Variants in EHD4 observed in about 807,000 individuals in gnomAD.
The protein encoded by EHD4 is EH domain-containing protein 4.
In EHD4, 37 loss-of-function variants were observed where a neutral mutation model predicts 51.0. The ratio of observed to expected loss-of-function variants is 0.73; its 90% confidence interval spans 0.56 to 0.95. EHD4 has a LOEUF of 0.95. EHD4 is among the 40% of genes least tolerant of loss of function. EHD4 has a pLI of 0.00. For missense variants in EHD4, 632 were observed against 733.1 expected, an observed-to-expected ratio of 0.86 and a Z score of 1.59; for synonymous variants, 297 against 317.3, an observed-to-expected ratio of 0.94 and a Z score of 0.68.
At chr15:41,919,829 G>C (rs74372831) in intron 3 of EHD4, among the ~76,000 whole-genome samples, 7,482 of 141,846 alleles carry the variant, frequency 0.053, 275 homozygotes, top group Non-Finnish European at 0.068. Flanking sequence ...ACAGGAGGAG[G>C]GAGGAAAGAG....
chr15:41,900,356 C>G lies in EHD4; in HGVS notation c.*289G>C. 2.4e-6 allele frequency: 1 copy of G among 422,790 alleles called. No individual in the cohort carries two copies. The highest frequency in any genetic ancestry group is 4.3e-6 in the Non-Finnish European group (1 of 234,892). 26.2% of individuals were successfully genotyped at this position (422,790 alleles called of 1,614,324 possible). On this transcript the variant is annotated 3_prime_UTR_variant, in exon 6 of 6. Transcript: ENST00000220325. This position sits in a 1 kb window ranked among gnomAD's most constrained non-coding sequence, Gnocchi z 4.8. Reference sequence around the variant, plus strand: ...GGGACTTACCAGGCCCACCCCCATGCGCATTTCTCCAGGCAGGTTCTGAGG... The same window carrying G: ...GGGACTTACCAGGCCCACCCCCATGGGCATTTCTCCAGGCAGGTTCTGAGG...
At chr15:41,931,543 AAAATT>A (rs757091285) in intron 3 of EHD4, among the ~76,000 whole-genome samples, 1 of 152,240 alleles carries the variant, frequency 6.6e-6, no homozygotes, top group South Asian at 2.1e-4. Context: ...AAAATAAAGT[AAAATT>A]AAATTAAAAT....
At position 41,900,582 on chromosome 15, in the gene EHD4, C is replaced by T. The variant is rs2067468915; in HGVS notation, c.*63G>A. On this transcript the variant is annotated 3_prime_UTR_variant, in exon 6 of 6. Transcript: ENST00000220325. The surrounding 1 kb of genome is among the most constrained non-coding windows in gnomAD (Gnocchi z 4.8). ...CCTTGCCCAAGGTCATTCGGTGAGT[C>T]AGTGGTGGAGCAGGCCTGAGGCCCA... 14 of 1,466,152 alleles carry T rather than the reference C, an allele frequency of 9.5e-6. No individual in the cohort carries two copies. The highest frequency in any genetic ancestry group is 1.4e-5 in the African/African-American group (1 of 71,846). The allele number at this position is 1,466,152 out of a possible 1,614,324, so 90.8% of individuals were successfully genotyped here. A position where few individuals can be genotyped will look rare whatever the true frequency, so the allele number is the denominator to read the frequency against.
chr15:41,968,258 A>G (rs7183879), intron 1 of EHD4, among the ~76,000 whole-genome samples: 17,346 of 152,212 alleles, frequency 0.11, 1,081 homozygotes, highest in South Asian at 0.26. Context: ...CCTATTAAAT[A>G]CTATAGTTAA....
At chr15:41,926,384 CG>C (rs1255930816) in intron 3 of EHD4, among the ~76,000 whole-genome samples, 5 of 152,146 alleles carry the variant, frequency 3.3e-5, no homozygotes, top group Admixed American at 2.0e-4. Context: ...AGGCCCTGCC[CG>C]CCCCTCCCAT....
At chr15:41,939,548 A>T (rs1475770543) in intron 3 of EHD4, among the ~76,000 whole-genome samples, 1 of 152,136 alleles carries the variant, frequency 6.6e-6, no homozygotes, top group Non-Finnish European at 1.5e-5. Flanking sequence ...TAACATTTAT[A>T]TACAAACATC....
At chr15:41,951,472 ATTT>A (rs796478072) in intron 2 of EHD4, among the ~76,000 whole-genome samples, 1 of 146,164 alleles carries the variant, frequency 6.8e-6, no homozygotes, top group Non-Finnish European at 1.5e-5. Context: ...AGAAAAAAAC[ATTT>A]TTTTTTTTTG....
chr15:41,948,509 T>A lies in EHD4; in HGVS notation c.413+5255A>T, dbSNP rs144346458. On this transcript the variant is annotated intron_variant, in intron 2 of 5. Transcript: ENST00000220325. ...GGGGAAAGCTTCAGCAAGTTTATTA[T>A]AGATAAATGAACCACAATACACATG... Among the ~76,000 whole-genome samples, 42 of 152,214 alleles carry A rather than the reference T, an allele frequency of 2.8e-4. 1 individual carries two copies. The East Asian group carries it at 7.7e-3, about 28-fold the overall frequency.
chr15:41,900,138 C>A lies in EHD4; in HGVS notation c.*507G>T, dbSNP rs963437440. 5 of 154,094 alleles carry A rather than the reference C, an allele frequency of 3.2e-5. No homozygotes were observed. Among genetic ancestry groups the A allele is most frequent in the African/African-American group, 1.2e-4 (5 of 41,448 alleles). 9.5% of individuals were successfully genotyped at this position (154,094 alleles called of 1,614,324 possible). On this transcript the variant is annotated 3_prime_UTR_variant, in exon 6 of 6. Coordinates refer to ENST00000220325, the MANE Select transcript of EHD4 (RefSeq NM_139265.4). This position sits in a 1 kb window ranked among gnomAD's most constrained non-coding sequence, Gnocchi z 4.8. ...TAGACAGTCTGGAGACAGCAGAAACCCTCTGCTCTATTTTTTTGCCACTCT... is the reference window on the plus strand; with the variant it reads ...TAGACAGTCTGGAGACAGCAGAAACACTCTGCTCTATTTTTTTGCCACTCT...
At chr15:41,949,193 A>C (rs1330839272) in intron 2 of EHD4, among the ~76,000 whole-genome samples, 1 of 151,368 alleles carries the variant, frequency 6.6e-6, no homozygotes, top group Non-Finnish European at 1.5e-5. Flanking sequence ...AACATGGTGA[A>C]ACCTCATCTC....
intron 1 of EHD4, among the ~76,000 whole-genome samples, chr15:41,954,894 T>G (rs528999484): frequency 3.3e-5 from 5 of 152,366 alleles, no homozygotes; most frequent in Non-Finnish European, 7.3e-5. Context: ...CCTCCCAAAG[T>G]ACTGGGATTA....
chr15:41,917,838 G>A (rs559276286), intron 4 of EHD4, among the ~76,000 whole-genome samples: 1 of 152,318 alleles, frequency 6.6e-6, no homozygotes, highest in African/African-American at 2.4e-5. Context: ...CTTGGACCAG[G>A]AAGAACAGAT....
rs139614532 is a variant in EHD4 at position 41,900,651 on chromosome 15, G to A, written c.1620C>T (p.Ala540=). Residue 540 remains alanine (A), a synonymous_variant, in exon 6 of 6, where the codon GCC becomes GCT. Transcript: ENST00000220325. The surrounding 1 kb of genome is among the most constrained non-coding windows in gnomAD (Gnocchi z 4.8). ...PPSHRKSLPK[A]D ...CCGTTCTGCAGCCCACCCCTCAGTC[G>A]GCCTTGGGCAGGGACTTCCTGTGCG... The A allele has an allele frequency of 1.8e-5, 28 of 1,588,432 alleles. 1 individual carries two copies. In the Middle Eastern group the frequency reaches 8.3e-4, roughly 47 times the overall value.
intron 3 of EHD4, among the ~76,000 whole-genome samples, chr15:41,925,332 C>T (rs568775195): frequency 1.3e-5 from 2 of 152,270 alleles, no homozygotes; most frequent in South Asian, 2.1e-4. Flanking sequence ...CCACTCGAAG[C>T]GGCTAACCTG....
At position 41,919,587 on chromosome 15, in the gene EHD4, C is replaced by T. The variant is rs758611545; in HGVS notation, c.547G>A (p.Glu183Lys). ...AGCAGGATGATCCTGTCCACCCTCT[C>T]GGCAAACCACTGCAGGACCTGGCAG... ...DFCQVLQWFA[E>K]RVDRIILLFD... is the part of the protein sequence containing the mutation. The change falls in exon 4 of 6, where the codon GAG becomes AAG. Residue 183 changes from glutamate (E) to lysine (K), a missense_variant. Physicochemically the swap from Glu to Lys is moderately conservative, Grantham distance 56. Coordinates refer to ENST00000220325, the MANE Select transcript of EHD4 (RefSeq NM_139265.4). The T allele has an allele frequency of 7.9e-6, 12 of 1,516,922 alleles. No homozygotes were observed. Among genetic ancestry groups the T allele is most frequent in the East Asian group, 2.3e-5 (1 of 44,008 alleles). 94.0% of individuals were successfully genotyped at this position (1,516,922 alleles called of 1,614,324 possible). A position where few individuals can be genotyped will look rare whatever the true frequency, so the allele number is the denominator to read the frequency against.
Position 41,943,175 on chromosome 15 carries a change from C to G in EHD4, c.414-11G>C. 6.4e-7 allele frequency: 1 copy of G among 1,570,306 alleles called. No homozygotes were observed. Among genetic ancestry groups the G allele is most frequent in the Non-Finnish European group, 8.6e-7 (1 of 1,156,394 alleles). ...TGTGAGCACATGAATCTGGAAGAGA[C>G]GGATCAAAGGAGGGGTCAGAAACTG... On this transcript the variant is annotated splice_polypyrimidine_tract_variant and intron_variant, in intron 2 of 5. Coordinates refer to ENST00000220325, the MANE Select transcript of EHD4 (RefSeq NM_139265.4).
chr15:41,900,523 C>T lies in EHD4; in HGVS notation c.*122G>A. On this transcript the variant is annotated 3_prime_UTR_variant, in exon 6 of 6. Transcript: ENST00000220325. The surrounding 1 kb of genome is among the most constrained non-coding windows in gnomAD (Gnocchi z 4.8). ...TCCAGTGTCCACCCTCCCCATTCTA[C>T]AGATGGGGAAACCAAGGCACAGAGA... 1 of 1,014,914 alleles carries T rather than the reference C, an allele frequency of 9.9e-7. No homozygotes were observed. 62.9% of individuals were successfully genotyped at this position (1,014,914 alleles called of 1,614,324 possible).
rs1242180469 is a variant in EHD4 at position 41,972,378 on chromosome 15, C to CA, written c.116dup (p.Glu40GlyfsTer70). On this transcript the variant is annotated frameshift_variant, in exon 1 of 6. Transcript: ENST00000220325. LOFTEE classifies it high-confidence loss of function. ...ACTCGTGGAAGCGGTACGCCTCCTCCAGCGGCAGCACCTTGCGCAGGTAGA... is the reference window on the plus strand; with the variant it reads ...ACTCGTGGAAGCGGTACGCCTCCTCCAAGCGGCAGCACCTTGCGCAGGTAGA... The CA allele has an allele frequency of 1.9e-6, 3 of 1,611,104 alleles. No individual in the cohort carries two copies. The highest frequency in any genetic ancestry group is 2.5e-6 in the Non-Finnish European group (3 of 1,178,928).
chr15:41,944,328 C>T (rs1813650581), intron 2 of EHD4, among the ~76,000 whole-genome samples: 1 of 152,228 alleles, frequency 6.6e-6, no homozygotes, highest in Non-Finnish European at 1.5e-5. Flanking sequence ...CTTTGTGAGG[C>T]ACTGTGCATG....
Sources: gnomAD v4.1 joint callset for allele counts (sites outside exome capture counted in the v4.1 genomes callset) on GRCh38, gnomAD v4.1.1 for gene constraint, Gnocchi (gnomAD v3.1) non-coding constraint, MANE v1.5 for transcripts, NCBI Gene and HGNC (gene_info 2026-07-23, HGNC 2026-07-21) for gene names.